Variants in KCNJ3 observed in about 807,000 individuals in gnomAD.
KCNJ3 encodes G protein-activated inward rectifier potassium channel 1.
In KCNJ3, 4 loss-of-function variants were observed where a neutral mutation model predicts 39.2. The observed-to-expected ratio is 0.10, with a 90% CI of 0.05 to 0.23. KCNJ3 has a LOEUF of 0.23. Among genes scored for constraint, KCNJ3 ranks in the 10% least tolerant of loss-of-function variants. KCNJ3 has a pLI of 1.00. For synonymous variants in KCNJ3, 230 were observed against 237.4 expected, an observed-to-expected ratio of 0.97 and a Z score of 0.29; for missense variants, 276 against 634.9, an observed-to-expected ratio of 0.43 and a Z score of 6.08.
intron 2 of KCNJ3, among the ~76,000 whole-genome samples, chr2:154,820,225 C>T (rs550752674): frequency 1.3e-5 from 2 of 152,230 alleles, no homozygotes; most frequent in South Asian, 4.1e-4. Flanking sequence ...GTTGCATATA[C>T]AGCCCACTTT....
At chr2:154,821,936 C>T (rs909519571) in intron 2 of KCNJ3, among the ~76,000 whole-genome samples, 1 of 151,882 alleles carries the variant, frequency 6.6e-6, no homozygotes, top group Non-Finnish European at 1.5e-5. Context: ...CCACCGCTCC[C>T]AGCCTGAATA....
At chr2:154,732,059 T>A (rs1054620743) in intron 2 of KCNJ3, among the ~76,000 whole-genome samples, 1 of 152,072 alleles carries the variant, frequency 6.6e-6, no homozygotes, top group Non-Finnish European at 1.5e-5. Flanking sequence ...TCAGAATAAC[T>A]TGCCTCTTAT....
intron 2 of KCNJ3, among the ~76,000 whole-genome samples, chr2:154,829,924 A>G (rs888173299): frequency 7.2e-5 from 11 of 152,098 alleles, no homozygotes; most frequent in African/African-American, 2.7e-4. Context: ...GGTGACAGAT[A>G]TATCTTCTTT....
chr2:154,795,861 A>C (rs762720500), intron 2 of KCNJ3, among the ~76,000 whole-genome samples: 13 of 152,110 alleles, frequency 8.5e-5, no homozygotes, highest in Non-Finnish European at 1.9e-4. Context: ...GAAATAATTG[A>C]ATTTCTACTT....
chr2:154,856,526 G>T lies in KCNJ3; in HGVS notation c.*1213G>T, dbSNP rs1213355206. The T allele has an allele frequency of 6.6e-6, 1 of 152,082 alleles. No individual in the cohort carries two copies. Among genetic ancestry groups the T allele is most frequent in the Non-Finnish European group, 1.5e-5 (1 of 67,990 alleles). 9.4% of individuals were successfully genotyped at this position (152,082 alleles called of 1,614,324 possible). ...TTATGGCATTTGTTGTAACAGGATA[G>T]ACTTTTTCCTCACCTAGGAAACCTA... is the stretch of plus-strand genomic sequence containing the variant. On this transcript the variant is annotated 3_prime_UTR_variant, in exon 3 of 3. Transcript: ENST00000295101.
At position 154,858,165 on chromosome 2, in the gene KCNJ3, G is replaced by C. The variant is rs1212713595; in HGVS notation, c.*2852G>C. 1 of 151,898 alleles carries C rather than the reference G, an allele frequency of 6.6e-6. No individual in the cohort carries two copies. The highest frequency in any genetic ancestry group is 2.4e-5 in the African/African-American group (1 of 41,340). 9.4% of individuals were successfully genotyped at this position (151,898 alleles called of 1,614,324 possible). On this transcript the variant is annotated 3_prime_UTR_variant, in exon 3 of 3. Transcript: ENST00000295101. ...AATTGCAGTTTAACCCTTATTTCTA[G>C]GTTGATCATAGGTCCCAGTTTACCC...
chr2:154,760,117 T>C (rs1381439547), intron 2 of KCNJ3, among the ~76,000 whole-genome samples: 1 of 152,210 alleles, frequency 6.6e-6, no homozygotes, highest in Non-Finnish European at 1.5e-5. Flanking sequence ...TCATGAACTC[T>C]GTAACTAACA....
intron 2 of KCNJ3, among the ~76,000 whole-genome samples, chr2:154,816,513 G>A (rs773585683): frequency 1.3e-5 from 2 of 152,054 alleles, no homozygotes; most frequent in African/African-American, 2.4e-5. Flanking sequence ...GGAAATAAAA[G>A]CACATTCACA....
At chr2:154,756,657 T>C (rs993199594) in intron 2 of KCNJ3, among the ~76,000 whole-genome samples, 8 of 136,546 alleles carry the variant, frequency 5.9e-5, no homozygotes, top group African/African-American at 2.2e-4. Context: ...AAATACCTAA[T>C]GCAGACGACA....
At chr2:154,825,250 G>C (rs1372207126) in intron 2 of KCNJ3, among the ~76,000 whole-genome samples, 2 of 151,970 alleles carry the variant, frequency 1.3e-5, no homozygotes, top group Non-Finnish European at 2.9e-5. Flanking sequence ...TCATGCTCAG[G>C]GTGAATGCCC....
chr2:154,737,511 AGG>A (rs1366473598), intron 2 of KCNJ3, among the ~76,000 whole-genome samples: 5 of 152,168 alleles, frequency 3.3e-5, no homozygotes, highest in Admixed American at 1.3e-4. Context: ...ATCCACGAGG[AGG>A]AGAAAAATCA....
chr2:154,749,583 T>G (rs1685803242), intron 2 of KCNJ3, among the ~76,000 whole-genome samples: 1 of 151,996 alleles, frequency 6.6e-6, no homozygotes, highest in Non-Finnish European at 1.5e-5. Flanking sequence ...GATCATGCAT[T>G]TTGCGCTTTC....
chr2:154,813,172 T>A (rs533371848), intron 2 of KCNJ3, among the ~76,000 whole-genome samples: 1 of 152,188 alleles, frequency 6.6e-6, no homozygotes, highest in African/African-American at 2.4e-5. Context: ...GCCGATCACA[T>A]CTTTTTTTTC....
intron 2 of KCNJ3, among the ~76,000 whole-genome samples, chr2:154,753,955 A>T (rs1685893618): frequency 6.6e-6 from 1 of 152,184 alleles, no homozygotes; most frequent in Admixed American, 6.5e-5. Context: ...CCATAGTACA[A>T]TTATCAAAAA....
At chr2:154,737,841 T>C (rs1025188343) in intron 2 of KCNJ3, among the ~76,000 whole-genome samples, 4 of 152,128 alleles carry the variant, frequency 2.6e-5, no homozygotes, top group Middle Eastern at 3.4e-3. Flanking sequence ...GACGAAATAG[T>C]TGAAGAAACA....
chr2:154,850,130 A>T (rs1228972967), intron 2 of KCNJ3, among the ~76,000 whole-genome samples: 1 of 143,364 alleles, frequency 7.0e-6, no homozygotes, highest in Non-Finnish European at 1.5e-5. Flanking sequence ...CACAGAGATG[A>T]GCTCGTGTTG....
chr2:154,780,640 G>A (rs973443356), intron 2 of KCNJ3, among the ~76,000 whole-genome samples: 13 of 152,076 alleles, frequency 8.5e-5, no homozygotes, highest in Non-Finnish European at 1.6e-4. Context: ...GTTCCAGCTC[G>A]CACGGTCTCT....
intron 2 of KCNJ3, among the ~76,000 whole-genome samples, chr2:154,789,574 A>G (rs1686591098): frequency 6.6e-6 from 1 of 152,108 alleles, no homozygotes; most frequent in East Asian, 1.9e-4. Context: ...TTAGCTTATT[A>G]AAACAGAAGC....
At chr2:154,831,631 G>A (rs1292128971) in intron 2 of KCNJ3, among the ~76,000 whole-genome samples, 1 of 152,124 alleles carries the variant, frequency 6.6e-6, no homozygotes, top group East Asian at 1.9e-4. Flanking sequence ...TAAAAGGTGT[G>A]CAGAATGTGT....
Sources: gnomAD v4.1 joint callset for allele counts (sites outside exome capture counted in the v4.1 genomes callset) on GRCh38, gnomAD v4.1.1 for gene constraint, MANE v1.5 for transcripts, NCBI Gene and HGNC (gene_info 2026-07-23, HGNC 2026-07-21) for gene names.